Variants in CD84 observed in about 807,000 individuals in gnomAD.
CD84 encodes the protein CD84 molecule, also known as SLAM family member 5.
Under a neutral mutation model 33.8 loss-of-function variants are expected in CD84, and 22 were observed. That is an observed-to-expected ratio of 0.65 (90% CI 0.46 to 0.93). CD84 has a LOEUF of 0.93. Ranked by LOEUF, CD84 falls within the 40% of genes least tolerant of loss-of-function variation. The pLI, the probability that CD84 is intolerant of heterozygous loss-of-function variation, is 0.00. For missense variants in CD84, 400 were observed against 397.6 expected, an observed-to-expected ratio of 1.01 and a Z score of -0.05; for synonymous variants, 154 against 145.2, an observed-to-expected ratio of 1.06 and a Z score of -0.44.
rs6662608 is a variant in CD84 at position 160,546,004 on chromosome 1, C to T, written c.*2252G>A. 116,860 of 143,516 alleles carry T rather than the reference C, an allele frequency of 0.81. 48,248 individuals carry two copies. The highest frequency in any genetic ancestry group is 0.91 in the Non-Finnish European group (59,240 of 64,982). 8.9% of individuals were successfully genotyped at this position (143,516 alleles called of 1,614,324 possible). A position where few individuals can be genotyped will look rare whatever the true frequency, so the allele number is the denominator to read the frequency against. On this transcript the variant is annotated 3_prime_UTR_variant, in exon 7 of 7. Coordinates refer to ENST00000368054, the MANE Select transcript of CD84 (RefSeq NM_003874.4). ...TTGGCTTCTATCTTTTTTTTTTTTT[C>T]GAGATGGAGTCTCACTCTGTCTCTC...
intron 6 of CD84, among the ~76,000 whole-genome samples, 158 bp downstream of exon 6, chr1:160,549,759 T>C (rs1035912660): frequency 2.6e-5 from 4 of 152,076 alleles, no homozygotes; most frequent in African/African-American, 9.7e-5. Context: ...GCTTTGTGCA[T>C]GGGTGGAAGT....
intron 2 of CD84, among the ~76,000 whole-genome samples, chr1:160,564,159 A>G (rs1388312537): frequency 2.0e-5 from 3 of 152,194 alleles, no homozygotes; most frequent in Non-Finnish European, 4.4e-5. Flanking sequence ...AATGATGATA[A>G]CAAATAGTTA....
At chr1:160,561,801 C>A (rs113647771) in intron 2 of CD84, among the ~76,000 whole-genome samples, 5,057 of 152,196 alleles carry the variant, frequency 0.033, 286 homozygotes, top group African/African-American at 0.12. Flanking sequence ...AGCTGTTAAA[C>A]AACTTCAGCA....
At chr1:160,575,847 C>T (rs1186789619) in intron 1 of CD84, among the ~76,000 whole-genome samples, 1 of 152,178 alleles carries the variant, frequency 6.6e-6, no homozygotes, top group African/African-American at 2.4e-5. Flanking sequence ...TGTTGGCCTC[C>T]ATATTGATCT....
intron 1 of CD84, among the ~76,000 whole-genome samples, chr1:160,572,640 C>G (rs977421997): frequency 6.6e-6 from 1 of 152,012 alleles, no homozygotes; most frequent in Admixed American, 6.6e-5. Context: ...TGAAGGGGAT[C>G]AAGTGTTTGC....
chr1:160,542,412 C>T lies in CD84; in HGVS notation c.*5844G>A, dbSNP rs1478580600. 1 of 152,108 alleles carries T rather than the reference C, an allele frequency of 6.6e-6. No individual in the cohort carries two copies. Among genetic ancestry groups the T allele is most frequent in the Non-Finnish European group, 1.5e-5 (1 of 68,014 alleles). The allele number at this position is 152,108 out of a possible 1,614,324, so 9.4% of individuals were successfully genotyped here. On this transcript the variant is annotated 3_prime_UTR_variant, in exon 7 of 7. Transcript: ENST00000368054. ...GCAAGTTGGGAGGTCAGAAACAGAC[C>T]TGTGAGTTAGATTTTGGACACGCTA...
intron 4 of CD84, among the ~76,000 whole-genome samples, chr1:160,551,883 A>G (rs1656254795): frequency 6.6e-6 from 1 of 152,190 alleles, no homozygotes; most frequent in South Asian, 2.1e-4. Context: ...AGCACCTTCT[A>G]TGTGCCAGGC....
In CD84 at chr1:160,542,786, C is replaced by G. The variant is rs1210424865; in HGVS notation, c.*5470G>C. The G allele has an allele frequency of 6.6e-6, 1 of 152,202 alleles. No homozygotes were observed. Among genetic ancestry groups the G allele is most frequent in the African/African-American group, 2.4e-5 (1 of 41,450 alleles). 9.4% of individuals were successfully genotyped at this position (152,202 alleles called of 1,614,324 possible). A position where few individuals can be genotyped will look rare whatever the true frequency, so the allele number is the denominator to read the frequency against. On this transcript the variant is annotated 3_prime_UTR_variant, in exon 7 of 7. Coordinates refer to ENST00000368054, the MANE Select transcript of CD84 (RefSeq NM_003874.4). ...AATGTATTAGTCATTACTTTCCTCC[C>G]TCAAGTCAGAATTCAGGACTTTTTT... is the stretch of plus-strand genomic sequence containing the variant.
chr1:160,574,129 CT>C (rs35717679), intron 1 of CD84, among the ~76,000 whole-genome samples: 113,989 of 142,600 alleles, frequency 0.8, 46,473 homozygotes, highest in Non-Finnish European at 0.91. Context: ...AAAAACAAAG[CT>C]TTTTTTTTTT....
chr1:160,557,975 G>A (rs1417089862), intron 2 of CD84, among the ~76,000 whole-genome samples: 1 of 152,186 alleles, frequency 6.6e-6, no homozygotes. Context: ...ACAGAGTTTT[G>A]AATTCTCCCT....
intron 1 of CD84, among the ~76,000 whole-genome samples, chr1:160,566,974 A>G (rs749122303): frequency 6.6e-6 from 1 of 152,174 alleles, no homozygotes; most frequent in Non-Finnish European, 1.5e-5. Context: ...TCATTATCCT[A>G]TAATTCTCAA....
intron 1 of CD84, among the ~76,000 whole-genome samples, chr1:160,572,579 G>GGA (rs1192148789): frequency 6.6e-6 from 1 of 151,902 alleles, no homozygotes; most frequent in Non-Finnish European, 1.5e-5. Flanking sequence ...TAAAAATTGG[G>GGA]GGGGGGAATG....
At chr1:160,558,560 A>C (rs556579271) in intron 2 of CD84, among the ~76,000 whole-genome samples, 1 of 152,342 alleles carries the variant, frequency 6.6e-6, no homozygotes, top group Non-Finnish European at 1.5e-5. Context: ...TGAAAACTCA[A>C]AAAGCCAGGA....
rs545355797 is a variant in CD84, at chr1:160,566,577, C to A, written c.47-832G>T. On this transcript the variant is annotated intron_variant, in intron 1 of 6. Coordinates refer to ENST00000368054, the MANE Select transcript of CD84 (RefSeq NM_003874.4). ...TTTGTTGGACATCTACTCTTTTAAA[C>A]AAGATACGAGGAGCTGAGGATACAA... Among the ~76,000 whole-genome samples the A allele has an allele frequency of 6.4e-4, 98 of 152,242 alleles. 1 individual carries two copies. The highest frequency in any genetic ancestry group is 1.1e-3 in the Admixed American group (17 of 15,284).
chr1:160,545,165 T>C lies in CD84; in HGVS notation c.*3091A>G, dbSNP rs11265433. On this transcript the variant is annotated 3_prime_UTR_variant, in exon 7 of 7. Transcript: ENST00000368054. ...AGTAGGGTGTCCTGAGTCCAAAGGCTACCTTCAGAATTCCTGGGCTCTGGC... is the reference window on the plus strand; with the variant it reads ...AGTAGGGTGTCCTGAGTCCAAAGGCCACCTTCAGAATTCCTGGGCTCTGGC... The C allele has an allele frequency of 0.84, 127,555 of 152,176 alleles. 54,382 individuals are homozygous for C. The highest frequency in any genetic ancestry group is 0.93 in the Non-Finnish European group (63,309 of 68,024). The allele number at this position is 152,176 out of a possible 1,614,324, so 9.4% of individuals were successfully genotyped here.
chr1:160,568,552 G>C (rs750858985), intron 1 of CD84, among the ~76,000 whole-genome samples: 5 of 152,174 alleles, frequency 3.3e-5, no homozygotes, highest in African/African-American at 7.2e-5. Context: ...GAGGCAGAAG[G>C]TGTAGGTGCA....
chr1:160,562,379 C>T (rs183741386), intron 2 of CD84, among the ~76,000 whole-genome samples: 27 of 152,192 alleles, frequency 1.8e-4, no homozygotes, highest in Middle Eastern at 3.4e-3. Context: ...AAAACAGACA[C>T]ATAGACCAAT....
intron 1 of CD84, among the ~76,000 whole-genome samples, chr1:160,576,199 G>A (rs11579392): frequency 0.018 from 2,665 of 152,096 alleles, 40 homozygotes; most frequent in African/African-American, 0.033. Context: ...TGAGCCCCAG[G>A]ATGATGGTTG....
intron 1 of CD84, 34 bp downstream of exon 1, chr1:160,579,358 A>T (rs1302065508): frequency 6.2e-7 from 1 of 1,612,690 alleles, no homozygotes; most frequent in Non-Finnish European, 8.5e-7. Flanking sequence ...CTTTATGGAA[A>T]ACTAGGAGGC....
Sources: allele counts gnomAD v4.1 joint callset (sites outside exome capture counted in the v4.1 genomes callset), GRCh38; gene constraint gnomAD v4.1.1; transcripts MANE v1.5; gene names NCBI Gene and HGNC (gene_info 2026-07-23, HGNC 2026-07-21).